EEPD1: variants seen among roughly 807,000 people sequenced by gnomAD.
EEPD1 encodes endonuclease/exonuclease/phosphatase family domain containing 1.
EEPD1 carries 17 observed loss-of-function variants against 46.3 expected under a neutral mutation model. That is an observed-to-expected ratio of 0.37 (90% confidence interval 0.25 to 0.55). The LOEUF (loss-of-function observed/expected upper bound fraction) is 0.55, where lower values mean the gene tolerates loss of function less well. Among genes scored for constraint, EEPD1 ranks in the 20% least tolerant of loss-of-function variants. The pLI is 0.83. For synonymous variants in EEPD1, 313 were observed against 315.6 expected, an observed-to-expected ratio of 0.99 and a Z score of 0.09; for missense variants, 673 against 745.6, an observed-to-expected ratio of 0.90 and a Z score of 1.13.
At chr7:36,273,524 G>C (rs919311878) in intron 3 of EEPD1, among the ~76,000 whole-genome samples, 4 of 152,068 alleles carry the variant, frequency 2.6e-5, no homozygotes, top group Non-Finnish European at 4.4e-5. Context: ...TCTTATTCCA[G>C]GCAGTTTAGG....
chr7:36,275,120 C>A (rs1046473391), intron 3 of EEPD1, among the ~76,000 whole-genome samples: 2 of 152,214 alleles, frequency 1.3e-5, no homozygotes, highest in Non-Finnish European at 2.9e-5. Flanking sequence ...GTCAGGAAAG[C>A]AAGTGAAACA....
intron 6 of EEPD1, among the ~76,000 whole-genome samples, chr7:36,291,877 C>T (rs563994194): frequency 2.6e-5 from 4 of 152,334 alleles, no homozygotes; most frequent in South Asian, 2.1e-4. Flanking sequence ...AGGGGAATCC[C>T]GCAGAGCCCA....
At chr7:36,182,765 A>G (rs1304905616) in intron 2 of EEPD1, among the ~76,000 whole-genome samples, 3 of 152,236 alleles carry the variant, frequency 2.0e-5, no homozygotes, top group East Asian at 1.9e-4. Context: ...AGCAGAGGGT[A>G]CTTCCTTTCA....
intron 3 of EEPD1, among the ~76,000 whole-genome samples, chr7:36,268,038 A>G (rs1278735355): frequency 6.6e-6 from 1 of 152,180 alleles, no homozygotes; most frequent in African/African-American, 2.4e-5. Flanking sequence ...AACTGTGAGA[A>G]GTAAATATTT....
chr7:36,207,557 A>G (rs191700437), intron 2 of EEPD1, among the ~76,000 whole-genome samples: 3 of 152,308 alleles, frequency 2.0e-5, no homozygotes, highest in East Asian at 3.9e-4. Flanking sequence ...GCAACAATTC[A>G]TCTTGAAAAG....
intron 3 of EEPD1, among the ~76,000 whole-genome samples, chr7:36,248,503 G>A (rs1294906771): frequency 1.4e-5 from 2 of 144,732 alleles, no homozygotes; most frequent in Non-Finnish European, 3.0e-5. Context: ...CACCACCCTC[G>A]GCCAGATACT....
chr7:36,189,958 A>G (rs1317423999), intron 2 of EEPD1, among the ~76,000 whole-genome samples: 1 of 151,934 alleles, frequency 6.6e-6, no homozygotes, highest in African/African-American at 2.4e-5. Flanking sequence ...GTTTGAGGAC[A>G]GCCTGGGCAA....
At chr7:36,292,451 C>T (rs777408274) in intron 6 of EEPD1, among the ~76,000 whole-genome samples, 1 of 149,934 alleles carries the variant, frequency 6.7e-6, no homozygotes, top group Non-Finnish European at 1.5e-5. Context: ...GTCTCTCCCT[C>T]CCTCCCTCCT....
At chr7:36,219,289 C>A (rs1786089843) in intron 2 of EEPD1, among the ~76,000 whole-genome samples, 1 of 151,270 alleles carries the variant, frequency 6.6e-6, no homozygotes, top group Admixed American at 6.6e-5. Context: ...AACAAAAGAG[C>A]AACTAGATGG....
chr7:36,214,992 C>T (rs958755016), intron 2 of EEPD1, among the ~76,000 whole-genome samples: 1 of 152,138 alleles, frequency 6.6e-6, no homozygotes, highest in Admixed American at 6.5e-5. Flanking sequence ...ACATGAGGTT[C>T]TGAGCCAGTG....
Position 36,301,325 on chromosome 7 carries a change from T to G in EEPD1, c.*2119T>G, listed in dbSNP as rs1787619438. 1 of 152,236 alleles carries G rather than the reference T, an allele frequency of 6.6e-6. No individual in the cohort carries two copies. Among genetic ancestry groups the G allele is most frequent in the Admixed American group, 6.5e-5 (1 of 15,292 alleles). The allele number at this position is 152,236 out of a possible 1,614,324, so 9.4% of individuals were successfully genotyped here. The stretch of plus-strand genomic sequence containing the variant: ...TTAGTTGTTGTTTTGTATTTTGTTG[T>G]TTTAATTAATAGGCTTTATTTGTAA... On this transcript the variant is annotated 3_prime_UTR_variant, in exon 8 of 8. Coordinates refer to ENST00000242108, the MANE Select transcript of EEPD1 (RefSeq NM_030636.3).
intron 2 of EEPD1, among the ~76,000 whole-genome samples, chr7:36,211,055 A>G (rs1299626364): frequency 6.6e-6 from 1 of 152,188 alleles, no homozygotes; most frequent in African/African-American, 2.4e-5. Context: ...TGTGACATGA[A>G]AAGAGCCTCA....
chr7:36,292,178 C>T (rs920114008), intron 6 of EEPD1, among the ~76,000 whole-genome samples: 63 of 152,210 alleles, frequency 4.1e-4, no homozygotes, highest in African/African-American at 1.3e-3. Context: ...TCTGGCGGCT[C>T]CTCTAATCCT....
In EEPD1 at chr7:36,287,904, C is replaced by A. The variant is rs191228936; in HGVS notation, c.1315+127C>A. The A allele has an allele frequency of 2.8e-4, 377 of 1,338,144 alleles. No homozygotes were observed. The African/African-American group carries it at 5.2e-3, about 18-fold the overall frequency. 82.9% of individuals were successfully genotyped at this position (1,338,144 alleles called of 1,614,324 possible). ...CAATGTGAGTCGCGGGTACAGGGGA[C>A]AGTCAAACCTCTGGCATCTCATGGA... is the stretch of plus-strand genomic sequence containing the variant. On this transcript the variant is annotated intron_variant, in intron 6 of 7. Coordinates refer to ENST00000242108, the MANE Select transcript of EEPD1 (RefSeq NM_030636.3).
intron 3 of EEPD1, among the ~76,000 whole-genome samples, chr7:36,240,453 C>T (rs906534965): frequency 1.3e-5 from 2 of 152,166 alleles, no homozygotes; most frequent in African/African-American, 4.8e-5. Flanking sequence ...TGCTGCCTGA[C>T]CTCAGAGAGG....
At chr7:36,267,360 A>G (rs1250869678) in intron 3 of EEPD1, among the ~76,000 whole-genome samples, 1 of 151,400 alleles carries the variant, frequency 6.6e-6, no homozygotes, top group Non-Finnish European at 1.5e-5. Context: ...TCATCTCCCC[A>G]CCCTGCCCCC....
intron 4 of EEPD1, among the ~76,000 whole-genome samples, chr7:36,282,097 G>A (rs187334555): frequency 2.6e-5 from 4 of 152,306 alleles, no homozygotes; most frequent in African/African-American, 7.2e-5. Context: ...ATGTTTGGGG[G>A]TGTAAATGGC....
intron 2 of EEPD1, among the ~76,000 whole-genome samples, chr7:36,184,169 T>A (rs1309923874): frequency 6.6e-6 from 1 of 152,212 alleles, no homozygotes; most frequent in Non-Finnish European, 1.5e-5. Context: ...ATGAAGGTGA[T>A]TGTGTTCTAA....
chr7:36,287,855 C>A, intron 6 of EEPD1, 78 bp downstream of exon 6: 1 of 1,548,878 alleles, frequency 6.5e-7, no homozygotes. Flanking sequence ...CCATCTCTGA[C>A]CACTTGGGCT....
Sources: gnomAD v4.1 joint callset for allele counts (sites outside exome capture counted in the v4.1 genomes callset) on GRCh38, gnomAD v4.1.1 for gene constraint, MANE v1.5 for transcripts, NCBI Gene and HGNC (gene_info 2026-07-23, HGNC 2026-07-21) for gene names.